The following RBMS3 variants were observed in gnomAD, a reference collection of about 807,000 sequenced individuals.
RBMS3 encodes RNA-binding motif, single-stranded-interacting protein 3.
RBMS3 carries 27 observed loss-of-function variants against 66.8 expected under a neutral mutation model. The observed-to-expected ratio is 0.40, with a 90% CI of 0.30 to 0.56. The LOEUF (loss-of-function observed/expected upper bound fraction) is 0.56, where lower values mean the gene tolerates loss of function less well. Among genes scored for constraint, RBMS3 ranks in the 20% least tolerant of loss-of-function variants. The pLI is 0.40. For missense variants in RBMS3, 513 were observed against 549.5 expected, an observed-to-expected ratio of 0.93 and a Z score of 0.66; for synonymous variants, 188 against 183.0, an observed-to-expected ratio of 1.03 and a Z score of -0.22.
intron 1 of RBMS3, among the ~76,000 whole-genome samples, chr3:29,401,446 G>A (rs1383874991): frequency 6.6e-6 from 1 of 152,062 alleles, no homozygotes; most frequent in Non-Finnish European, 1.5e-5. Flanking sequence ...AGGATGAAGA[G>A]TTTTAGGACA....
At chr3:29,711,859 A>G (rs2053184942) in intron 4 of RBMS3, among the ~76,000 whole-genome samples, 1 of 152,320 alleles carries the variant, frequency 6.6e-6, no homozygotes, top group South Asian at 2.1e-4. Flanking sequence ...AAAGCAAACC[A>G]ACTACATTAT....
intron 6 of RBMS3, among the ~76,000 whole-genome samples, chr3:29,775,982 T>C (rs953603307): frequency 2.0e-5 from 3 of 152,052 alleles, no homozygotes; most frequent in African/African-American, 7.2e-5. Flanking sequence ...GTTGTAATTT[T>C]ATCTGAATGA....
chr3:29,628,633 T>TA, intron 4 of RBMS3, among the ~76,000 whole-genome samples: 1 of 152,178 alleles, frequency 6.6e-6, no homozygotes, highest in Non-Finnish European at 1.5e-5. Flanking sequence ...ATGTACATTA[T>TA]TCATGTTCAT....
Position 29,806,744 on chromosome 3 carries a change from TTC to T in RBMS3, c.637+43762_637+43763del, listed in dbSNP as rs536655587. On this transcript the variant is annotated intron_variant, in intron 6 of 14. Transcript: ENST00000383767. ...TGGCAGGTTTCTGGACTGTGGTAAA[TTC>T]TCTCTCACTTTATTCAGGTATGTCA... 2.2e-3 allele frequency among the ~76,000 whole-genome samples: 330 copies of T among 152,104 alleles called. 1 individual carries two copies. The highest frequency in any genetic ancestry group is 7.1e-3 in the African/African-American group (297 of 41,566).
intron 12 of RBMS3, among the ~76,000 whole-genome samples, chr3:29,977,620 A>G (rs1192423352): frequency 6.6e-6 from 1 of 152,140 alleles, no homozygotes; most frequent in Non-Finnish European, 1.5e-5. Context: ...GGGTTTGAAA[A>G]TGGTTATTCA....
chr3:29,604,719 T>G (rs1268886292), intron 4 of RBMS3, among the ~76,000 whole-genome samples: 1 of 151,936 alleles, frequency 6.6e-6, no homozygotes, highest in Non-Finnish European at 1.5e-5. Context: ...TCTGGATAAT[T>G]TGCAATGGAT....
At chr3:29,436,620 G>A (rs1198789386) in intron 2 of RBMS3, among the ~76,000 whole-genome samples, 3 of 152,172 alleles carry the variant, frequency 2.0e-5, no homozygotes, top group Admixed American at 2.0e-4. Context: ...TAGACTTTAT[G>A]ATAGAAGGTT....
chr3:29,391,141 A>C, intron 1 of RBMS3: 1 of 190,674 alleles, frequency 5.2e-6, no homozygotes, highest in Non-Finnish European at 1.2e-5. Flanking sequence ...GGTTAGTTGC[A>C]GTTGTGTAGT....
In RBMS3 at chr3:29,324,651, C is replaced by G. The variant is rs934795664; in HGVS notation, c.75+42895C>G. 4.6e-5 allele frequency among the ~76,000 whole-genome samples: 7 copies of G among 152,280 alleles called. No homozygotes were observed. The South Asian group carries it at 1.2e-3, about 27-fold the overall frequency. ...AGAGCTCCAAGATGTTTCCCCTGTG[C>G]CCTTCCATTAAGCCCTTACAATCTC... On this transcript the variant is annotated intron_variant, in intron 1 of 14. Transcript: ENST00000383767.
At chr3:29,797,803 A>C (rs931936832) in intron 6 of RBMS3, 1 of 152,184 alleles carries the variant, frequency 6.6e-6, no homozygotes, top group African/African-American at 2.4e-5. Context: ...TGCTAATACA[A>C]TGTTTATGTA....
chr3:29,613,395 T>G (rs1340431798), intron 4 of RBMS3, among the ~76,000 whole-genome samples: 1 of 152,142 alleles, frequency 6.6e-6, no homozygotes, highest in Non-Finnish European at 1.5e-5. Context: ...GAATGCTTTT[T>G]GATGGACCCT....
intron 3 of RBMS3, among the ~76,000 whole-genome samples, chr3:29,579,965 T>G (rs1400625422): frequency 6.6e-6 from 1 of 152,226 alleles, no homozygotes; most frequent in Non-Finnish European, 1.5e-5. Context: ...TTTCTCTCAT[T>G]TAAAAATCAA....
intron 6 of RBMS3, among the ~76,000 whole-genome samples, chr3:29,854,054 G>T (rs369537521): frequency 6.6e-6 from 1 of 152,126 alleles, no homozygotes; most frequent in Non-Finnish European, 1.5e-5. Context: ...TCAAAAAGTC[G>T]TGAGAACAAA....
At chr3:29,972,555 A>G (rs1275938115) in intron 12 of RBMS3, among the ~76,000 whole-genome samples, 1 of 141,226 alleles carries the variant, frequency 7.1e-6, no homozygotes, top group Non-Finnish European at 1.5e-5. Context: ...CTGTCTCTGA[A>G]AATCTCTTGA....
rs779099102 is a variant in RBMS3 at position 29,944,195 on chromosome 3, T to G, written c.1051-12T>G. On this transcript the variant is annotated splice_polypyrimidine_tract_variant and intron_variant, in intron 11 of 14. Transcript: ENST00000383767. ...TTCATTGCATTCTTTCTCATGCTCT[T>G]TTCATTCAAAGATTCAATCCCAAGA... 1 of 1,578,800 alleles carries G rather than the reference T, an allele frequency of 6.3e-7. No homozygotes were observed. Among genetic ancestry groups the G allele is most frequent in the Non-Finnish European group, 8.7e-7 (1 of 1,148,988 alleles).
chr3:29,832,555 C>G (rs1253071063), intron 6 of RBMS3, among the ~76,000 whole-genome samples: 1 of 152,100 alleles, frequency 6.6e-6, no homozygotes, highest in African/African-American at 2.4e-5. Context: ...AGCTCAGTGA[C>G]AAGAGAGGCT....
chr3:29,359,908 T>C (rs1297991080), intron 1 of RBMS3, among the ~76,000 whole-genome samples: 2 of 152,196 alleles, frequency 1.3e-5, no homozygotes, highest in Non-Finnish European at 2.9e-5. Flanking sequence ...TCTATCATTT[T>C]TTCTTGCATC....
chr3:29,416,545 T>A (rs945552340), intron 1 of RBMS3, among the ~76,000 whole-genome samples: 4 of 152,176 alleles, frequency 2.6e-5, no homozygotes, highest in African/African-American at 9.7e-5. Flanking sequence ...TTTGCATTTT[T>A]TTTTTCCTTG....
intron 1 of RBMS3, among the ~76,000 whole-genome samples, chr3:29,384,698 T>A (rs1199178796): frequency 1.3e-5 from 2 of 152,106 alleles, no homozygotes; most frequent in Non-Finnish European, 2.9e-5. Flanking sequence ...AATATAAAGG[T>A]CTGAGAAGAG....
Sources: gnomAD v4.1 joint callset for allele counts (sites outside exome capture counted in the v4.1 genomes callset) on GRCh38, gnomAD v4.1.1 for gene constraint, MANE v1.5 for transcripts, NCBI Gene and HGNC (gene_info 2026-07-23, HGNC 2026-07-21) for gene names.